RGS6: variants seen among roughly 807,000 people sequenced by gnomAD.
RGS6 encodes the protein regulator of G-protein signaling 6.
Under a neutral mutation model 78.5 loss-of-function variants are expected in RGS6, and 30 were observed. The observed-to-expected ratio is 0.38, with a 90% CI of 0.29 to 0.52. The LOEUF is 0.52. Among genes scored for constraint, RGS6 ranks in the 20% least tolerant of loss-of-function variants. The probability of loss-of-function intolerance (pLI) is 0.85; values close to 1 mark genes in which losing one functional copy is unlikely to be tolerated. For synonymous variants in RGS6, 206 were observed against 206.0 expected (o/e 1.00, Z 0.00); for missense variants, 495 against 609.7 (o/e 0.81, Z 1.98).
In RGS6 at chr14:71,954,992, C is replaced by T. The variant is rs748314872; in HGVS notation, c.-20-9780C>T. Among the ~76,000 whole-genome samples the T allele has an allele frequency of 1.4e-4, 22 of 152,210 alleles. No individual in the cohort carries two copies. In the East Asian group the frequency reaches 2.7e-3, roughly 19 times the overall value. ...TGCGTTGTAATTTTTTGTTGAAAGC[C>T]AGACATGATGTGTTGGGTCATAGGA... On this transcript the variant is annotated intron_variant, in intron 1 of 17. Coordinates refer to ENST00000553525, the MANE Select transcript of RGS6 (RefSeq NM_001204424.2).
At chr14:71,920,635 GCACA>G in the RGS6 span, among the ~76,000 whole-genome samples, 5 of 151,708 alleles carry the variant, frequency 3.3e-5, no homozygotes, top group Non-Finnish European at 7.4e-5. Flanking sequence ...ACACGCGCGT[GCACA>G]CACACACACA....
intron 3 of RGS6, among the ~76,000 whole-genome samples, chr14:72,416,916 G>T (rs1055475177): frequency 6.6e-6 from 1 of 152,192 alleles, no homozygotes; most frequent in Non-Finnish European, 1.5e-5. Context: ...ATGGCATGAG[G>T]ATTAGACAGG....
intron 2 of RGS6, among the ~76,000 whole-genome samples, chr14:72,084,953 T>C (rs1433297176): frequency 1.4e-4 from 21 of 150,950 alleles, no homozygotes. Flanking sequence ...GTGCTTAAGC[T>C]TCAATCCCCT....
At chr14:72,187,912 T>A (rs939463526) in intron 2 of RGS6, among the ~76,000 whole-genome samples, 1 of 152,248 alleles carries the variant, frequency 6.6e-6, no homozygotes, top group Non-Finnish European at 1.5e-5. Context: ...TTGTTCCCCA[T>A]GCATGTTTCT....
At chr14:72,045,804 C>G (rs1251054482) in intron 2 of RGS6, among the ~76,000 whole-genome samples, 2 of 151,706 alleles carry the variant, frequency 1.3e-5, no homozygotes, top group Non-Finnish European at 2.9e-5. Flanking sequence ...CTGGTAAAGT[C>G]TTTTTGGATT....
At chr14:72,287,105 T>C (rs2062710434) in intron 2 of RGS6, among the ~76,000 whole-genome samples, 2 of 152,230 alleles carry the variant, frequency 1.3e-5, no homozygotes, top group Non-Finnish European at 2.9e-5. Context: ...CTTAATTTCC[T>C]TTTCAGATAG....
intron 2 of RGS6, among the ~76,000 whole-genome samples, chr14:72,151,649 T>C (rs1380669857): frequency 6.6e-6 from 1 of 152,110 alleles, no homozygotes; most frequent in African/African-American, 2.4e-5. Context: ...GTTTCACGTG[T>C]AGGGGAGGAG....
chr14:72,536,422 G>A (rs2097252136), intron 16 of RGS6, 147 bp downstream of exon 16: 1 of 650,200 alleles, frequency 1.5e-6, no homozygotes, highest in South Asian at 1.7e-5. Context: ...CATTCTAATG[G>A]AAAACAGTTA....
chr14:71,875,752 G>GAT, the RGS6 span, among the ~76,000 whole-genome samples: 2 of 152,134 alleles, frequency 1.3e-5, no homozygotes, highest in Non-Finnish European at 2.9e-5. Flanking sequence ...GTCAATTTTA[G>GAT]ATCTTTCCTG....
intron 2 of RGS6, among the ~76,000 whole-genome samples, chr14:72,322,204 A>G (rs551651124): frequency 1.3e-4 from 20 of 152,174 alleles, no homozygotes; most frequent in South Asian, 4.1e-4. Context: ...AATATAAGGT[A>G]GCTATGATAA....
chr14:72,546,529 T>C (rs1318115512), intron 17 of RGS6, among the ~76,000 whole-genome samples: 1 of 152,206 alleles, frequency 6.6e-6, no homozygotes, highest in African/African-American at 2.4e-5. Flanking sequence ...TGGTTCAACC[T>C]GTCCGCCAAA....
chr14:72,610,109 G>T, the RGS6 span, among the ~76,000 whole-genome samples: 1 of 152,236 alleles, frequency 6.6e-6, no homozygotes, highest in African/African-American at 2.4e-5. Context: ...GAATGATGGG[G>T]ATAAAATGTT....
At chr14:72,338,718 T>G (rs2152656757) in intron 2 of RGS6, among the ~76,000 whole-genome samples, 1 of 152,364 alleles carries the variant, frequency 6.6e-6, no homozygotes, top group South Asian at 2.1e-4. Flanking sequence ...TGGTGATACC[T>G]GCTTGGAAAG....
chr14:72,005,353 TTTAA>T (rs1215666911), intron 2 of RGS6, among the ~76,000 whole-genome samples: 4 of 152,192 alleles, frequency 2.6e-5, no homozygotes, highest in African/African-American at 9.7e-5. Flanking sequence ...TTACATGTTA[TTTAA>T]TTATGTGTTA....
At chr14:71,976,392 C>T (rs1206899463) in intron 2 of RGS6, among the ~76,000 whole-genome samples, 2 of 147,648 alleles carry the variant, frequency 1.4e-5, no homozygotes, top group East Asian at 4.0e-4. Context: ...GGTATATCTC[C>T]CAATGCTATC....
At chr14:71,908,218 A>C in the RGS6 span, 1 of 152,382 alleles carries the variant, frequency 6.6e-6, no homozygotes, top group East Asian at 1.9e-4. Context: ...GCAAAAATTT[A>C]GGAAACATTA....
intron 15 of RGS6, among the ~76,000 whole-genome samples, chr14:72,524,108 A>C (rs2097089643): frequency 6.6e-6 from 1 of 152,256 alleles, no homozygotes; most frequent in Admixed American, 6.5e-5. Context: ...ACTCACAAAA[A>C]TTAATGACTT....
At chr14:72,227,267 G>A (rs2048347550) in intron 2 of RGS6, among the ~76,000 whole-genome samples, 1 of 152,062 alleles carries the variant, frequency 6.6e-6, no homozygotes, top group Non-Finnish European at 1.5e-5. Flanking sequence ...TTTTAATATT[G>A]CATACTGTGC....
chr14:72,245,043 T>G (rs996677409), intron 2 of RGS6, among the ~76,000 whole-genome samples: 1 of 152,230 alleles, frequency 6.6e-6, no homozygotes, highest in East Asian at 1.9e-4. Context: ...CAGGCTAGTC[T>G]TGTTTTTATT....
Sources: allele counts gnomAD v4.1 joint callset (sites outside exome capture counted in the v4.1 genomes callset), GRCh38; gene constraint gnomAD v4.1.1; transcripts MANE v1.5; gene names NCBI Gene and HGNC (gene_info 2026-07-23, HGNC 2026-07-21).